The following GPHN variants were observed in gnomAD, a reference collection of about 807,000 sequenced individuals.
GPHN encodes gephyrin.
Under a neutral mutation model 95.5 loss-of-function variants are expected in GPHN, and 17 were observed. The ratio of observed to expected loss-of-function variants is 0.18; its 90% CI spans 0.12 to 0.27. The LOEUF (loss-of-function observed/expected upper bound fraction) is 0.27, where lower values mean the gene tolerates loss of function less well. GPHN is among the 10% of genes least tolerant of loss of function. The pLI, the probability that GPHN is intolerant of heterozygous loss-of-function variation, is 1.00. For synonymous variants in GPHN, 320 were observed against 322.5 expected, an observed-to-expected ratio of 0.99 and a Z score of 0.08; for missense variants, 660 against 978.1, an observed-to-expected ratio of 0.67 and a Z score of 4.34.
At chr14:67,634,392 A>T in the GPHN span, among the ~76,000 whole-genome samples, 1 of 151,440 alleles carries the variant, frequency 6.6e-6, no homozygotes, top group African/African-American at 2.4e-5. Context: ...CAGGAGTTCA[A>T]GACCAGCCTG....
At chr14:66,724,499 A>G (rs117997835) in intron 2 of GPHN, among the ~76,000 whole-genome samples, 2,399 of 152,244 alleles carry the variant, frequency 0.016, 30 homozygotes, top group Non-Finnish European at 0.023. Flanking sequence ...TGAGATTCCT[A>G]AAGTTCAAGT....
chr14:66,935,438 T>A (rs1397864512), intron 8 of GPHN, among the ~76,000 whole-genome samples: 1 of 150,500 alleles, frequency 6.6e-6, no homozygotes, highest in African/African-American at 2.4e-5. Flanking sequence ...GTATATATAT[T>A]ATATATATAT....
the GPHN span, among the ~76,000 whole-genome samples, chr14:67,709,781 A>C: frequency 6.6e-6 from 1 of 152,206 alleles, no homozygotes; most frequent in Non-Finnish European, 1.5e-5. Context: ...TTTTAGACCA[A>C]GGCATCAAAG....
In GPHN at chr14:66,685,689, C is replaced by T. The variant is rs1005777027; in HGVS notation, c.143+4504C>T. On this transcript the variant is annotated intron_variant, in intron 2 of 22. Coordinates refer to ENST00000478722, the MANE Select transcript of GPHN (RefSeq NM_020806.5). Reference sequence around the variant, plus strand: ...TAGATTGCAAAAATTTTCTCCCATTCTGTAGGTTGCCTGTTCACTCTGATG... The same window carrying T: ...TAGATTGCAAAAATTTTCTCCCATTTTGTAGGTTGCCTGTTCACTCTGATG... 2.2e-3 allele frequency among the ~76,000 whole-genome samples: 336 copies of T among 152,150 alleles called. 1 individual carries two copies. Among genetic ancestry groups the T allele is most frequent in the African/African-American group, 7.8e-3 (322 of 41,490 alleles).
the GPHN span, among the ~76,000 whole-genome samples, chr14:67,426,251 G>C: frequency 1.3e-5 from 2 of 152,168 alleles, no homozygotes; most frequent in Non-Finnish European, 2.9e-5. Context: ...TGTGTGGTCC[G>C]ACAGGATCTC....
chr14:66,752,315 T>C (rs1222517100), intron 2 of GPHN, among the ~76,000 whole-genome samples: 5 of 152,166 alleles, frequency 3.3e-5, no homozygotes, highest in Non-Finnish European at 7.4e-5. Context: ...ACTTGGCTTT[T>C]TGCCATAAGA....
chr14:67,072,386 C>G (rs1342265242), intron 11 of GPHN, among the ~76,000 whole-genome samples: 1 of 151,974 alleles, frequency 6.6e-6, no homozygotes, highest in Middle Eastern at 3.2e-3. Context: ...CCAGTACCAG[C>G]AGGGTTATTT....
At chr14:67,358,070 A>C in the GPHN span, among the ~76,000 whole-genome samples, 1 of 146,156 alleles carries the variant, frequency 6.8e-6, no homozygotes, top group Non-Finnish European at 1.5e-5. Context: ...CCTAGCTTTG[A>C]GCTTTTTCAG....
chr14:66,528,786 T>C (rs2058792717), intron 1 of GPHN, among the ~76,000 whole-genome samples: 1 of 152,230 alleles, frequency 6.6e-6, no homozygotes, highest in Admixed American at 6.5e-5. Context: ...GTGTAGACTA[T>C]TGGCCCCCAC....
the GPHN span, chr14:67,559,603 TG>T: frequency 1.9e-6 from 3 of 1,581,720 alleles, no homozygotes; most frequent in Non-Finnish European, 1.7e-6. Flanking sequence ...CTCTCTTTCT[TG>T]CAGAAGCAGA....
the GPHN span, among the ~76,000 whole-genome samples, chr14:67,411,137 A>C: frequency 9.0e-6 from 1 of 110,704 alleles, no homozygotes; most frequent in African/African-American, 3.7e-5. Flanking sequence ...ACCCTGTCTC[A>C]AAAAAAAAAA....
At chr14:66,996,803 G>C (rs955437982) in intron 9 of GPHN, among the ~76,000 whole-genome samples, 1 of 151,980 alleles carries the variant, frequency 6.6e-6, no homozygotes, top group African/African-American at 2.4e-5. Context: ...TTGTAATCTA[G>C]AAGAGATTAA....
intron 2 of GPHN, among the ~76,000 whole-genome samples, chr14:66,764,485 T>G (rs903011664): frequency 2.0e-5 from 3 of 152,020 alleles, no homozygotes; most frequent in Admixed American, 2.0e-4. Flanking sequence ...TGATGCAAGA[T>G]GAATTAAGAA....
the GPHN span, among the ~76,000 whole-genome samples, chr14:67,462,310 G>A: frequency 1.3e-5 from 2 of 152,166 alleles, no homozygotes; most frequent in African/African-American, 4.8e-5. Context: ...TAGAGAATGG[G>A]GAAAGGGACT....
the GPHN span, among the ~76,000 whole-genome samples, chr14:67,193,328 CTCTA>C: frequency 7.4e-6 from 1 of 134,622 alleles, no homozygotes; most frequent in African/African-American, 2.7e-5. Context: ...ATCTATATAT[CTCTA>C]TATAGATATC....
the GPHN span, chr14:67,722,855 T>C: frequency 3.9e-6 from 3 of 768,408 alleles, no homozygotes; most frequent in Non-Finnish European, 4.6e-6. Context: ...GGGGGTGTTG[T>C]GGATACCATG....
chr14:67,145,452 A>T (rs1192627286), intron 18 of GPHN, among the ~76,000 whole-genome samples: 2 of 151,884 alleles, frequency 1.3e-5, no homozygotes, highest in Non-Finnish European at 2.9e-5. Context: ...TATTGGTTTT[A>T]TTTTTTTTAC....
At chr14:67,542,469 C>T in the GPHN span, among the ~76,000 whole-genome samples, 9 of 152,158 alleles carry the variant, frequency 5.9e-5, no homozygotes, top group Admixed American at 5.9e-4. Context: ...GGCTAGATGA[C>T]CCTGGGCAAG....
the GPHN span, chr14:67,221,680 C>G: frequency 6.5e-7 from 1 of 1,538,286 alleles, no homozygotes; most frequent in Non-Finnish European, 8.8e-7. Flanking sequence ...ACCCACAGAG[C>G]ATTTAAAGAA....
Sources: allele counts gnomAD v4.1 joint callset (sites outside exome capture counted in the v4.1 genomes callset), GRCh38; gene constraint gnomAD v4.1.1; transcripts MANE v1.5; gene names NCBI Gene and HGNC (gene_info 2026-07-23, HGNC 2026-07-21).